The following ALDH1A3 variants were observed in gnomAD, a reference collection of about 807,000 sequenced individuals.
ALDH1A3 encodes the protein retinaldehyde dehydrogenase 3.
Under a neutral mutation model 57.5 loss-of-function variants are expected in ALDH1A3, and 28 were observed. The observed-to-expected ratio is 0.49, with a 90% CI of 0.36 to 0.67. The LOEUF (loss-of-function observed/expected upper bound fraction) is 0.67. Among genes scored for constraint, ALDH1A3 ranks in the 30% least tolerant of loss-of-function variants. The probability of loss-of-function intolerance (pLI) is 0.00; values close to 1 mark genes in which losing one functional copy is unlikely to be tolerated. For missense variants in ALDH1A3, 507 were observed against 669.4 expected (o/e 0.76, Z 2.68); for synonymous variants, 281 against 264.8 (o/e 1.06, Z -0.59).
At chr15:100,902,633 C>G (rs1036742429) in intron 9 of ALDH1A3, among the ~76,000 whole-genome samples, 4 of 152,228 alleles carry the variant, frequency 2.6e-5, no homozygotes, top group Admixed American at 6.5e-5. Context: ...GGCAGAGAGC[C>G]GAGCACAGCC....
chr15:100,890,372 A>G (rs1356632776), intron 3 of ALDH1A3, among the ~76,000 whole-genome samples: 1 of 152,164 alleles, frequency 6.6e-6, no homozygotes, highest in Non-Finnish European at 1.5e-5. Flanking sequence ...GACTGTTTCA[A>G]TCTGTAGCGA....
At chr15:100,885,686 C>A (rs760208490) in intron 2 of ALDH1A3, among the ~76,000 whole-genome samples, 5 of 145,448 alleles carry the variant, frequency 3.4e-5, no homozygotes, top group African/African-American at 1.3e-4. Context: ...ATTATTTGGA[C>A]CTGGAGGCAT....
rs1457611473 is a variant in ALDH1A3 at position 100,906,746 on chromosome 15, G to A, written c.1234-375G>A. On this transcript the variant is annotated intron_variant, in intron 10 of 12. Coordinates refer to ENST00000329841, the MANE Select transcript of ALDH1A3 (RefSeq NM_000693.4). This position sits in a 1 kb window ranked among gnomAD's most constrained non-coding sequence, Gnocchi z 4.8. Reference sequence around the variant, plus strand: ...AGAGGTAGGAGCACAGTCTTACAAAGTGCCTGCAGATATCCTTCAGGACAA... The same window carrying A: ...AGAGGTAGGAGCACAGTCTTACAAAATGCCTGCAGATATCCTTCAGGACAA... Among the ~76,000 whole-genome samples the A allele has an allele frequency of 6.6e-6, 1 of 152,136 alleles. No homozygotes were observed. The highest frequency in any genetic ancestry group is 1.5e-5 in the Non-Finnish European group (1 of 68,032).
At position 100,893,687 on chromosome 15, in the gene ALDH1A3, C is replaced by T. The variant is rs185047601; in HGVS notation, c.538-267C>T. 2.9e-6 allele frequency: 1 copy of T among 343,770 alleles called. No individual in the cohort carries two copies. Among genetic ancestry groups the T allele is most frequent in the Non-Finnish European group, 5.3e-6 (1 of 190,040 alleles). 21.3% of individuals were successfully genotyped at this position (343,770 alleles called of 1,614,324 possible). A position where few individuals can be genotyped will look rare whatever the true frequency, so the allele number is the denominator to read the frequency against. ...GCCCATGGAGGCAGGGAGGAGGACA[C>T]GTCTTCAGCAGATGTTTTAGAGGGA... On this transcript the variant is annotated intron_variant, in intron 5 of 12. Coordinates refer to ENST00000329841, the MANE Select transcript of ALDH1A3 (RefSeq NM_000693.4). The surrounding 1 kb of genome is among the most constrained non-coding windows in gnomAD (Gnocchi z 4.8).
rs1378582128 is a variant in ALDH1A3 at position 100,879,945 on chromosome 15, C to G, written c.38C>G (p.Pro13Arg). ...AACGGGGCCGTGGAAAACGGGCAGC[C>G]GGACAGGAAGCCGCCGGCCCTGCCG... ...TANGAVENGQ[P>R]DRKPPALPRP... is the part of the protein sequence containing the mutation. Residue 13 changes from proline to arginine, a missense_variant, in exon 1 of 13, where the codon CCG (proline) becomes CGG (arginine). Physicochemically the swap from Pro to Arg is moderately radical, Grantham distance 103. Transcript: ENST00000329841. 10 of 1,471,540 alleles carry G rather than the reference C, an allele frequency of 6.8e-6. No individual in the cohort carries two copies. Among genetic ancestry groups the G allele is most frequent in the South Asian group, 1.3e-5 (1 of 77,122 alleles). 91.2% of individuals were successfully genotyped at this position (1,471,540 alleles called of 1,614,324 possible).
chr15:100,896,018 A>G lies in ALDH1A3; in HGVS notation c.752A>G (p.Asn251Ser). 6.2e-7 allele frequency: 1 copy of G among 1,612,756 alleles called. No individual in the cohort carries two copies. The highest frequency in any genetic ancestry group is 8.5e-7 in the Non-Finnish European group (1 of 1,179,424). The change falls in exon 7 of 13, where the codon AAC becomes AGC. Residue 251 changes from asparagine to serine, a missense_variant. Physicochemically the swap from Asn to Ser is conservative, Grantham distance 46. Coordinates refer to ENST00000329841, the MANE Select transcript of ALDH1A3 (RefSeq NM_000693.4). ...GCAATTTCTTCTCACCCTCAGATCA[A>G]CAAGATCGCCTTCACCGGCTCCACA... ...GAAISSHPQI[N>S]KIAFTGSTEV...
At chr15:100,910,488 G>A (rs1414921416) in intron 12 of ALDH1A3, among the ~76,000 whole-genome samples, 1 of 152,180 alleles carries the variant, frequency 6.6e-6, no homozygotes, top group Non-Finnish European at 1.5e-5. Flanking sequence ...CAGCAGGCTC[G>A]GTTGAGCTCT....
At chr15:100,905,228 G>A (rs992221239) in intron 9 of ALDH1A3, among the ~76,000 whole-genome samples, 7 of 152,232 alleles carry the variant, frequency 4.6e-5, no homozygotes, top group Non-Finnish European at 8.8e-5. Flanking sequence ...CTTCAGACCT[G>A]TGTCACTCAT....
chr15:100,888,169 G>A (rs1039939866), intron 3 of ALDH1A3, among the ~76,000 whole-genome samples: 1 of 152,012 alleles, frequency 6.6e-6, no homozygotes, highest in African/African-American at 2.4e-5. Context: ...CGCGATCTCG[G>A]CTCACTGCAG....
At chr15:100,900,141 C>G (rs902467139) in intron 8 of ALDH1A3, among the ~76,000 whole-genome samples, 6 of 152,196 alleles carry the variant, frequency 3.9e-5, no homozygotes, top group African/African-American at 1.4e-4. Context: ...TTAATAAGAC[C>G]CTTCTTTTAC....
rs767708755 is a variant in ALDH1A3 at position 100,907,221 on chromosome 15, C to A, written c.1334C>A (p.Thr445Lys). The change falls in exon 11 of 13, where the codon ACA becomes AAA. Residue 445 changes from threonine to lysine, a missense_variant. Thr to Lys is a moderately conservative substitution (Grantham distance 78). Coordinates refer to ENST00000329841, the MANE Select transcript of ALDH1A3 (RefSeq NM_000693.4). ...TDYGLTAAVF[T>K]KNLDKALKLA... ...TATGGACTCACAGCAGCCGTGTTCA[C>A]AAAAAATCTCGACAAAGCCCTGAAG... The A allele has an allele frequency of 6.2e-7, 1 of 1,614,166 alleles. No individual in the cohort carries two copies. Among genetic ancestry groups the A allele is most frequent in the Non-Finnish European group, 8.5e-7 (1 of 1,180,022 alleles).
At chr15:100,895,038 T>A (rs1356004009) in intron 6 of ALDH1A3, 2 of 152,204 alleles carry the variant, frequency 1.3e-5, no homozygotes, top group African/African-American at 2.4e-5. Context: ...ACACGAGGCA[T>A]GAACGTGAAC....
Position 100,914,927 on chromosome 15 carries a change from A to T in ALDH1A3, c.*154A>T, listed in dbSNP as rs376179481. 8.7e-6 allele frequency: 6 copies of T among 692,420 alleles called. 1 individual carries two copies. In the South Asian group the frequency reaches 1.1e-4, roughly 13 times the overall value. 42.9% of individuals were successfully genotyped at this position (692,420 alleles called of 1,614,324 possible). A position where few individuals can be genotyped will look rare whatever the true frequency, so the allele number is the denominator to read the frequency against. On this transcript the variant is annotated 3_prime_UTR_variant, in exon 13 of 13. Transcript: ENST00000329841. ...GTTGAATGATTGCTGTTTTCCTCTC[A>T]CTCTCCTGTTTATTCACCAGACTGG...
At position 100,915,188 on chromosome 15, in the gene ALDH1A3, G is replaced by A. The variant is rs529359783; in HGVS notation, c.*415G>A. On this transcript the variant is annotated 3_prime_UTR_variant, in exon 13 of 13. Coordinates refer to ENST00000329841, the MANE Select transcript of ALDH1A3 (RefSeq NM_000693.4). ...CTGCAAGCAGGGCTCTTGCACCAGC[G>A]GTCTCCTCAGGGTGGACCTGCTTAC... 3.2e-5 allele frequency: 6 copies of A among 185,824 alleles called. No individual in the cohort carries two copies. In the East Asian group the frequency reaches 7.8e-4, roughly 24 times the overall value. 11.5% of individuals were successfully genotyped at this position (185,824 alleles called of 1,614,324 possible).
intron 3 of ALDH1A3, among the ~76,000 whole-genome samples, chr15:100,890,800 C>T (rs945852756): frequency 1.3e-5 from 2 of 152,206 alleles, no homozygotes; most frequent in African/African-American, 4.8e-5. Flanking sequence ...ATTCCACTGA[C>T]AGATATGCAG....
intron 10 of ALDH1A3, 110 bp from the exon 11 acceptor site, chr15:100,907,011 G>A (rs2041828988): frequency 1.6e-6 from 2 of 1,234,774 alleles, no homozygotes; most frequent in Non-Finnish European, 2.2e-6. Context: ...TTTCAGGCAT[G>A]TGTGTGCTCT....
intron 2 of ALDH1A3, among the ~76,000 whole-genome samples, chr15:100,885,996 C>G (rs1205620571): frequency 2.0e-5 from 3 of 152,218 alleles, no homozygotes; most frequent in African/African-American, 4.8e-5. Context: ...CAAATCTATT[C>G]TGAATGTCAG....
intron 6 of ALDH1A3, chr15:100,895,373 C>A (rs2041690314): frequency 6.6e-6 from 1 of 151,904 alleles, no homozygotes; most frequent in Non-Finnish European, 1.5e-5. Flanking sequence ...TGGCGTGAAC[C>A]TGGGAGGCGG....
rs2041679720 is a variant in ALDH1A3, at chr15:100,894,366, G to T, written c.666+284G>T. 3.7e-6 allele frequency: 1 copy of T among 267,058 alleles called. No individual in the cohort carries two copies. Among genetic ancestry groups the T allele is most frequent in the Non-Finnish European group, 7.0e-6 (1 of 143,792 alleles). 16.5% of individuals were successfully genotyped at this position (267,058 alleles called of 1,614,324 possible). A position where few individuals can be genotyped will look rare whatever the true frequency, so the allele number is the denominator to read the frequency against. On this transcript the variant is annotated intron_variant, in intron 6 of 12. Coordinates refer to ENST00000329841, the MANE Select transcript of ALDH1A3 (RefSeq NM_000693.4). This position sits in a 1 kb window ranked among gnomAD's most constrained non-coding sequence, Gnocchi z 4.5. ...CAGTGGTTTGTCTAGAGAATTTTCA[G>T]GGGGGGTCAACCAAGAGGGAGCCAA...
Sources: allele counts gnomAD v4.1 joint callset (sites outside exome capture counted in the v4.1 genomes callset), GRCh38; gene constraint gnomAD v4.1.1; non-coding constraint Gnocchi (gnomAD v3.1); transcripts MANE v1.5; gene names NCBI Gene and HGNC (gene_info 2026-07-23, HGNC 2026-07-21).